Variants in SPATA16 observed in about 807,000 individuals in gnomAD.
SPATA16 encodes spermatogenesis-associated protein 16.
In SPATA16, 36 loss-of-function variants were observed where a neutral mutation model predicts 63.3. That is an observed-to-expected ratio of 0.57 (90% CI 0.44 to 0.75). The LOEUF (loss-of-function observed/expected upper bound fraction) is 0.75, where lower values mean the gene tolerates loss of function less well. Ranked by LOEUF, SPATA16 falls within the 30% of genes least tolerant of loss-of-function variation. The pLI, the probability that SPATA16 is intolerant of heterozygous loss-of-function variation, is 0.00. For synonymous variants in SPATA16, 203 were observed against 216.7 expected (o/e 0.94, Z 0.56); for missense variants, 646 against 679.3 (o/e 0.95, Z 0.54).
intron 5 of SPATA16, among the ~76,000 whole-genome samples, chr3:172,974,137 T>C (rs2108248867): frequency 6.6e-6 from 1 of 152,320 alleles, no homozygotes; most frequent in South Asian, 2.1e-4. Context: ...TCCATTCTTC[T>C]GCATCTGAGA....
chr3:172,934,377 A>G (rs1312411028), intron 6 of SPATA16, among the ~76,000 whole-genome samples: 1 of 152,190 alleles, frequency 6.6e-6, no homozygotes, highest in Admixed American at 6.5e-5. Context: ...AAAATAGATC[A>G]AAAGAAAAAT....
At chr3:173,127,724 T>C (rs548669119) in intron 1 of SPATA16, among the ~76,000 whole-genome samples, 1 of 152,378 alleles carries the variant, frequency 6.6e-6, no homozygotes, top group South Asian at 2.1e-4. Flanking sequence ...TCCGCTTGCT[T>C]TTCTTTGGTG....
rs147937326 is a variant in SPATA16 at position 173,021,826 on chromosome 3, C to T, written c.759-2251G>A. ...TACTTTATTCACTTATTCACTCATG[C>T]ATGTTTAGTTAGCATCTACAAATTT... On this transcript the variant is annotated intron_variant, in intron 3 of 10. Transcript: ENST00000351008. Among the ~76,000 whole-genome samples, 873 of 151,828 alleles carry T rather than the reference C, an allele frequency of 5.7e-3. 7 individuals are homozygous for T. The highest frequency in any genetic ancestry group is 0.019 in the African/African-American group (779 of 41,414).
chr3:173,016,421 T>G (rs554362325), intron 4 of SPATA16, among the ~76,000 whole-genome samples: 1 of 152,326 alleles, frequency 6.6e-6, no homozygotes, highest in South Asian at 2.1e-4. Flanking sequence ...TGATGATGGT[T>G]AGGCTCAGAA....
intron 4 of SPATA16, among the ~76,000 whole-genome samples, chr3:173,011,984 A>C (rs1240763625): frequency 6.6e-6 from 1 of 151,088 alleles, no homozygotes; most frequent in Non-Finnish European, 1.5e-5. Context: ...CAGCTAATTA[A>C]AAAAAAAAGT....
At chr3:173,018,967 G>A (rs900061980) in intron 4 of SPATA16, among the ~76,000 whole-genome samples, 2 of 152,148 alleles carry the variant, frequency 1.3e-5, no homozygotes, top group Non-Finnish European at 1.5e-5. Flanking sequence ...CACAGTCTAA[G>A]TTCTGGGATG....
chr3:172,945,232 G>C (rs1467843151), intron 6 of SPATA16, among the ~76,000 whole-genome samples: 4 of 152,082 alleles, frequency 2.6e-5, no homozygotes, highest in Non-Finnish European at 1.5e-5. Flanking sequence ...TGTAATCTCA[G>C]AACAATTTGG....
chr3:172,892,828 A>G (rs1041415676), intron 10 of SPATA16, among the ~76,000 whole-genome samples: 8 of 152,238 alleles, frequency 5.3e-5, no homozygotes, highest in African/African-American at 1.7e-4. Flanking sequence ...GCTTAACTGT[A>G]TCAGATAGGC....
chr3:173,137,626 C>T (rs569091546), intron 1 of SPATA16, among the ~76,000 whole-genome samples: 1 of 152,206 alleles, frequency 6.6e-6, no homozygotes, highest in Admixed American at 6.5e-5. Flanking sequence ...CTGGTAATGA[C>T]TCTCATATTT....
At chr3:173,008,880 A>C (rs1341384188) in intron 4 of SPATA16, among the ~76,000 whole-genome samples, 1 of 152,204 alleles carries the variant, frequency 6.6e-6, no homozygotes, top group Admixed American at 6.5e-5. Context: ...AAACTTTTTA[A>C]AGCAATTTTT....
chr3:172,978,134 T>C (rs890862323), intron 4 of SPATA16, among the ~76,000 whole-genome samples: 1 of 149,048 alleles, frequency 6.7e-6, no homozygotes, highest in African/African-American at 2.5e-5. Context: ...TCTCTCTCTC[T>C]CTCCCTCTCT....
intron 4 of SPATA16, among the ~76,000 whole-genome samples, chr3:172,990,450 C>G (rs1463134380): frequency 6.6e-6 from 1 of 152,142 alleles, no homozygotes; most frequent in Non-Finnish European, 1.5e-5. Flanking sequence ...AAAATTTGCA[C>G]TGGGGAAACC....
At chr3:172,998,384 A>G (rs9812186) in intron 4 of SPATA16, among the ~76,000 whole-genome samples, 17,437 of 152,080 alleles carry the variant, frequency 0.11, 2,395 homozygotes, top group African/African-American at 0.33. Context: ...TTTCTGTATC[A>G]TTGGTGTATC....
At chr3:173,139,129 G>A (rs879585809) in intron 1 of SPATA16, among the ~76,000 whole-genome samples, 2 of 152,118 alleles carry the variant, frequency 1.3e-5, no homozygotes, top group African/African-American at 2.4e-5. Flanking sequence ...AGTAATATAG[G>A]AAGATTGCCT....
chr3:173,001,268 G>GTTTTTTTTTTTGTTT (rs56882833), intron 4 of SPATA16, among the ~76,000 whole-genome samples: 53 of 137,586 alleles, frequency 3.9e-4, no homozygotes, highest in African/African-American at 1.3e-3. Flanking sequence ...CTTCTCAGTT[G>GTTTTTTTTTTTGTTT]TTTTTTTTTT....
intron 10 of SPATA16, among the ~76,000 whole-genome samples, chr3:172,912,393 A>AT (rs1452578022): frequency 6.6e-6 from 1 of 151,958 alleles, no homozygotes; most frequent in Non-Finnish European, 1.5e-5. Context: ...ATATCTAACT[A>AT]TTTTTTCTGG....
chr3:173,093,702 A>G (rs1737279150), intron 2 of SPATA16, among the ~76,000 whole-genome samples: 1 of 152,190 alleles, frequency 6.6e-6, no homozygotes, highest in South Asian at 2.1e-4. Context: ...GCTATTGTAT[A>G]TAGCATGCTT....
rs1405257123 is a variant in SPATA16 at position 173,019,577 on chromosome 3, T to C, written c.759-2A>G. The C allele has an allele frequency of 1.2e-6, 2 of 1,613,622 alleles. No individual in the cohort carries two copies. Among genetic ancestry groups the C allele is most frequent in the South Asian group, 1.1e-5 (1 of 91,078 alleles). On this transcript the variant is annotated splice_acceptor_variant, in intron 3 of 10. Coordinates refer to ENST00000351008, the MANE Select transcript of SPATA16 (RefSeq NM_031955.6). LOFTEE classifies it high-confidence loss of function. ...TAGGCTGGGTTTAAAACAATGCTCC[T>C]GTAAAAAGGTAAAAGAAATGCAAAT...
At chr3:173,056,701 GTTTC>G (rs1736234049) in intron 2 of SPATA16, among the ~76,000 whole-genome samples, 1 of 39,460 alleles carries the variant, frequency 2.5e-5, no homozygotes, top group Admixed American at 3.8e-4. Context: ...TGAGACTCTT[GTTTC>G]AAAAAAAAAA....
Sources: gnomAD v4.1 joint callset for allele counts (sites outside exome capture counted in the v4.1 genomes callset) on GRCh38, gnomAD v4.1.1 for gene constraint, MANE v1.5 for transcripts, NCBI Gene and HGNC (gene_info 2026-07-23, HGNC 2026-07-21) for gene names.